The following CCT8 variants were observed in gnomAD, a reference collection of about 807,000 sequenced individuals.
CCT8 encodes T-complex protein 1 subunit theta.
CCT8 carries 10 observed loss-of-function variants against 65.7 expected under a neutral mutation model. That is an observed-to-expected ratio of 0.15 (90% CI 0.09 to 0.26). The LOEUF (loss-of-function observed/expected upper bound fraction) is 0.26, where lower values mean the gene tolerates loss of function less well. CCT8 is among the 10% of genes least tolerant of loss of function. The pLI, the probability that CCT8 is intolerant of heterozygous loss-of-function variation, is 1.00. For synonymous variants in CCT8, 199 were observed against 221.8 expected (o/e 0.90, Z 0.92); for missense variants, 568 against 669.1 (o/e 0.85, Z 1.67).
rs376913863 is a variant in CCT8, at chr21:29,063,367, T to C, written c.926A>G (p.Asn309Ser). Residue 309 changes from asparagine (N) to serine (S), a missense_variant, in exon 8 of 15, where the codon AAT (asparagine) becomes AGT (serine). Transcript: ENST00000286788. ...DMALHYANKYNIMLVRLNSKW... is the reference protein window; with the variant it reads ...DMALHYANKYSIMLVRLNSKW... ...TTTTTCTTACCTCACTAACATGATA[T>C]TATATTTATTTGCATAATGAAGAGC... The C allele has an allele frequency of 7.4e-6, 12 of 1,612,736 alleles. No individual in the cohort carries two copies. The African/African-American group carries it at 1.6e-4, about 22-fold the overall frequency.
At chr21:29,071,835 C>A in intron 1 of CCT8, 1 of 652,562 alleles carries the variant, frequency 1.5e-6, no homozygotes, top group South Asian at 1.7e-5. Flanking sequence ...CCCTCATTCC[C>A]ATACTTAAGA....
At position 29,061,190 on chromosome 21, in the gene CCT8, T is replaced by C. The variant is rs184099873; in HGVS notation, c.1449+63A>G. On this transcript the variant is annotated intron_variant, in intron 13 of 14. Coordinates refer to ENST00000286788, the MANE Select transcript of CCT8 (RefSeq NM_006585.4). ...CTCATTGATATTTCTTTTAAACTCATACTATTTTTAGGTTGTGCATTCCCC... is the reference window on the plus strand; with the variant it reads ...CTCATTGATATTTCTTTTAAACTCACACTATTTTTAGGTTGTGCATTCCCC... The C allele has an allele frequency of 8.4e-4, 1,049 of 1,255,476 alleles. 2 individuals carry two copies. The African/African-American group carries it at 0.014, about 17-fold the overall frequency. 77.8% of individuals were successfully genotyped at this position (1,255,476 alleles called of 1,614,324 possible).
chr21:29,073,292 T>C (rs1373781395), intron 1 of CCT8: 1 of 1,387,536 alleles, frequency 7.2e-7, no homozygotes, highest in African/African-American at 1.5e-5. Context: ...CTTCAAGGTG[T>C]ACAATGTCGA....
chr21:29,062,556 C>G lies in CCT8; in HGVS notation c.942G>C (p.Arg314Ser). 6.2e-7 allele frequency: 1 copy of G among 1,612,322 alleles called. No individual in the cohort carries two copies. Among genetic ancestry groups the G allele is most frequent in the Non-Finnish European group, 8.5e-7 (1 of 1,178,978 alleles). The change falls in exon 9 of 15, where the codon AGG becomes AGC. Residue 314 changes from arginine (R) to serine (S), a missense_variant and splice_region_variant. Physicochemically the swap from Arg to Ser is moderately radical, Grantham distance 110. Transcript: ENST00000286788. ...YANKYNIMLVRLNSKWDLRRL... is the reference protein window; with the variant it reads ...YANKYNIMLVSLNSKWDLRRL... ...TTCGGAGATCCCATTTTGAGTTTAGCCTTTAAAAAACACAAAGACCTTAAT... is the reference window on the plus strand; with the variant it reads ...TTCGGAGATCCCATTTTGAGTTTAGGCTTTAAAAAACACAAAGACCTTAAT...
Position 29,061,484 on chromosome 21 carries a change from A to C in CCT8, c.1284+12T>G, listed in dbSNP as rs1414027549. ...ATGGAAAGAAAGTCAATTTATACAG[A>C]AAAAGCTGTACCTCTCCATATGATG... On this transcript the variant is annotated intron_variant, in intron 12 of 14. Coordinates refer to ENST00000286788, the MANE Select transcript of CCT8 (RefSeq NM_006585.4). 6.2e-7 allele frequency: 1 copy of C among 1,613,612 alleles called. No homozygotes were observed. The highest frequency in any genetic ancestry group is 1.3e-5 in the African/African-American group (1 of 74,910).
chr21:29,066,747 T>A lies in CCT8; in HGVS notation c.593A>T (p.Asn198Ile). The A allele has an allele frequency of 1.2e-6, 2 of 1,609,294 alleles. No homozygotes were observed. Among genetic ancestry groups the A allele is most frequent in the Non-Finnish European group, 1.7e-6 (2 of 1,177,676 alleles). The part of the protein sequence containing the change: ...VSIFPDSGHF[N>I]VDNIRVCKIL... Reference sequence around the variant, plus strand: ...TTTACAAACTCTGATGTTATCAACATTGAAATGGCCGGAATCAGGAAAAAT... The same window carrying A: ...TTTACAAACTCTGATGTTATCAACAATGAAATGGCCGGAATCAGGAAAAAT... The change falls in exon 6 of 15, where the codon AAT becomes ATT. Residue 198 changes from asparagine (N) to isoleucine (I), a missense_variant. Transcript: ENST00000286788.
chr21:29,063,100 A>G (rs2085581995), intron 8 of CCT8, among the ~76,000 whole-genome samples: 1 of 152,166 alleles, frequency 6.6e-6, no homozygotes, highest in Non-Finnish European at 1.5e-5. Context: ...CTCTTGGACA[A>G]GTTGTTCCTT....
chr21:29,067,194 T>C, intron 4 of CCT8, 123 bp from the exon 5 acceptor site: 1 of 691,824 alleles, frequency 1.4e-6, no homozygotes, highest in Admixed American at 3.2e-5. Context: ...GAATAAAACA[T>C]ATAGTAGACT....
intron 14 of CCT8, 46 bp from the exon 15 acceptor site, chr21:29,056,598 T>G (rs750450841): frequency 8.2e-7 from 1 of 1,220,310 alleles, no homozygotes; most frequent in Non-Finnish European, 1.1e-6. Flanking sequence ...CAACTTAACC[T>G]TTAGAATGAA....
chr21:29,070,176 C>A, intron 2 of CCT8, 71 bp downstream of exon 2: 2 of 896,106 alleles, frequency 2.2e-6, no homozygotes, highest in East Asian at 2.6e-5. Context: ...ATCCTCAGAA[C>A]AAGTCTGAAA....
intron 14 of CCT8, chr21:29,060,061 A>G (rs1429008274): frequency 1.3e-5 from 2 of 150,610 alleles, no homozygotes; most frequent in East Asian, 3.9e-4. Flanking sequence ...ACTTCTATAT[A>G]TAGAACAGTC....
At chr21:29,073,300 C>G (rs892557144) in intron 1 of CCT8, 5 of 1,396,758 alleles carry the variant, frequency 3.6e-6, no homozygotes, top group Middle Eastern at 2.7e-4. Context: ...TGTACAATGT[C>G]GATCGTGCCG....
chr21:29,061,298 A>G lies in CCT8; in HGVS notation c.1404T>C (p.Tyr468=). ...TTTTATTTCCTTCTTGATGTACTGC[A>G]TAAAGTTTAGAGATTACTTCATTGG... ...VKANEVISKL[Y]AVHQEGNKNV... The change falls in exon 13 of 15, where the codon TAT becomes TAC. Residue 468 remains tyrosine, a synonymous_variant. Transcript: ENST00000286788. 6.2e-7 allele frequency: 1 copy of G among 1,614,040 alleles called. No individual in the cohort carries two copies. Among genetic ancestry groups the G allele is most frequent in the South Asian group, 1.1e-5 (1 of 91,078 alleles).
chr21:29,057,702 CATATATA>C (rs1020598514), intron 14 of CCT8, among the ~76,000 whole-genome samples: 8 of 79,812 alleles, frequency 1.0e-4, no homozygotes, highest in African/African-American at 2.0e-4. Flanking sequence ...ATACATATAT[CATATATA>C]ATATATATCA....
At chr21:29,065,243 G>GCACCACTCC in intron 6 of CCT8, 138 bp from the exon 7 acceptor site, 1 of 802,384 alleles carries the variant, frequency 1.2e-6, no homozygotes, top group East Asian at 2.6e-5. Context: ...GGGATAAGGG[G>GCACCACTCC]TGGAGTGGTG....
Position 29,062,540 on chromosome 21 carries a change from C to T in CCT8, c.958G>A (p.Asp320Asn). ...ACAGTTTTACAAAGTCTTCGGAGAT[C>T]CCATTTTGAGTTTAGCCTTTAAAAA... Reference protein sequence around the residue: ...IMLVRLNSKWDLRRLCKTVGA... With the variant: ...IMLVRLNSKWNLRRLCKTVGA... The change falls in exon 9 of 15, where the codon GAT becomes AAT. Residue 320 changes from aspartate (D) to asparagine (N), a missense_variant. Physicochemically the swap from Asp to Asn is conservative, Grantham distance 23. Transcript: ENST00000286788. 1.2e-6 allele frequency: 2 copies of T among 1,613,616 alleles called. No individual in the cohort carries two copies. Among genetic ancestry groups the T allele is most frequent in the South Asian group, 1.1e-5 (1 of 91,050 alleles).
chr21:29,061,387 T>C lies in CCT8; in HGVS notation c.1315A>G (p.Lys439Glu). The C allele has an allele frequency of 6.2e-7, 1 of 1,614,094 alleles. No homozygotes were observed. The highest frequency in any genetic ancestry group is 8.5e-7 in the Non-Finnish European group (1 of 1,179,960). ...GCTTCAAATGCCTCAGCAAACTTCT[T>C]AATAGCATACTGTTCAAGTCCAGGA... Reference protein sequence around the residue: ...TCPGLEQYAIKKFAEAFEAIP... With the variant: ...TCPGLEQYAIEKFAEAFEAIP... Residue 439 changes from lysine (K) to glutamate (E), a missense_variant, in exon 13 of 15, where the codon AAG becomes GAG. Lys to Glu is a moderately conservative substitution (Grantham distance 56). Transcript: ENST00000286788.
chr21:29,067,971 A>G (rs2085642256), intron 3 of CCT8, among the ~76,000 whole-genome samples: 1 of 151,408 alleles, frequency 6.6e-6, no homozygotes, highest in African/African-American at 2.4e-5. Context: ...TGCCACACAT[A>G]TGTTTCACCA....
rs778688487 is a variant in CCT8 at position 29,070,301 on chromosome 21, T to C, written c.97A>G (p.Ile33Val). ...TGGGCAAGCTCCTTGCAAGCTTGTA[T>C]GTTTCTATACACAGCCTCTTCTAAT... Reference protein sequence around the residue: ...SGLEEAVYRNIQACKELAQTT... With the variant: ...SGLEEAVYRNVQACKELAQTT... Residue 33 changes from isoleucine (I) to valine (V), a missense_variant, in exon 2 of 15, where the codon ATA (isoleucine) becomes GTA (valine). By Grantham distance (29) the Ile-to-Val change is conservative. Transcript: ENST00000286788. The C allele has an allele frequency of 2.2e-5, 36 of 1,612,568 alleles. 1 individual carries two copies. Among genetic ancestry groups the C allele is most frequent in the South Asian group, 1.2e-4 (11 of 90,918 alleles).
Sources: allele counts gnomAD v4.1 joint callset (sites outside exome capture counted in the v4.1 genomes callset), GRCh38; gene constraint gnomAD v4.1.1; transcripts MANE v1.5; gene names NCBI Gene and HGNC (gene_info 2026-07-23, HGNC 2026-07-21).